Variants in BNC2 observed in about 807,000 individuals in gnomAD.
The protein encoded by BNC2 is basonuclin zinc finger protein 2.
In BNC2, 20 loss-of-function variants were observed where a neutral mutation model predicts 76.3. The ratio of observed to expected loss-of-function variants is 0.26; its 90% CI spans 0.18 to 0.38. The LOEUF is 0.38. Ranked by LOEUF, BNC2 falls within the 10% of genes least tolerant of loss-of-function variation. The pLI is 1.00. For synonymous variants in BNC2, 582 were observed against 514.8 expected, an observed-to-expected ratio of 1.13 and a Z score of -1.77; for missense variants, 1,382 against 1,399.8, an observed-to-expected ratio of 0.99 and a Z score of 0.20.
At chr9:16,460,447 A>T (rs1472065591) in intron 5 of BNC2, among the ~76,000 whole-genome samples, 3 of 152,132 alleles carry the variant, frequency 2.0e-5, no homozygotes, top group African/African-American at 7.2e-5. Flanking sequence ...ACATGGTGAA[A>T]CCCCGTCTCT....
intron 5 of BNC2, among the ~76,000 whole-genome samples, chr9:16,494,704 C>T (rs1472801729): frequency 6.6e-6 from 1 of 151,946 alleles, no homozygotes; most frequent in African/African-American, 2.4e-5. Context: ...AAAGGAGACA[C>T]GTCATGTAGG....
chr9:16,695,281 T>C (rs1020832927), intron 3 of BNC2, among the ~76,000 whole-genome samples: 2 of 152,138 alleles, frequency 1.3e-5, no homozygotes, highest in African/African-American at 2.4e-5. Context: ...ATACTTAAAA[T>C]AATACCATTT....
chr9:16,643,608 AT>A (rs2133874523), intron 3 of BNC2, among the ~76,000 whole-genome samples: 1 of 152,214 alleles, frequency 6.6e-6, no homozygotes, highest in South Asian at 2.1e-4. Context: ...GGTCCCTCTT[AT>A]TTTTAATTCT....
At chr9:16,662,605 G>A (rs970901932) in intron 3 of BNC2, among the ~76,000 whole-genome samples, 2 of 152,142 alleles carry the variant, frequency 1.3e-5, no homozygotes, top group Non-Finnish European at 2.9e-5. Flanking sequence ...ACATGGTGGT[G>A]CATGCCTGTA....
At chr9:16,861,760 C>T (rs182662107) in intron 1 of BNC2, among the ~76,000 whole-genome samples, 7 of 152,104 alleles carry the variant, frequency 4.6e-5, no homozygotes, top group Non-Finnish European at 1.0e-4. Flanking sequence ...GAGGCCGAGG[C>T]GGGAGGATGA....
At chr9:16,636,889 A>T (rs923462099) in intron 3 of BNC2, among the ~76,000 whole-genome samples, 18 of 152,068 alleles carry the variant, frequency 1.2e-4, no homozygotes, top group Non-Finnish European at 2.4e-4. Context: ...ATCTAGATTC[A>T]ATTTAAATCA....
chr9:16,493,149 C>T (rs767214343), intron 5 of BNC2, among the ~76,000 whole-genome samples: 7 of 152,094 alleles, frequency 4.6e-5, no homozygotes, highest in South Asian at 2.1e-4. Context: ...AAAGTACGCA[C>T]GCAGAAAAAG....
intron 3 of BNC2, among the ~76,000 whole-genome samples, chr9:16,673,156 T>C (rs1321342163): frequency 1.3e-5 from 2 of 152,192 alleles, no homozygotes; most frequent in Non-Finnish European, 2.9e-5. Context: ...CATAGACTTA[T>C]ATGACTATAA....
rs1033984773 is a variant in BNC2 at position 16,758,314 on chromosome 9, A to T, written c.4-19829T>A. Among the ~76,000 whole-genome samples, 76 of 150,532 alleles carry T rather than the reference A, an allele frequency of 5.0e-4. 1 individual carries two copies. Among genetic ancestry groups the T allele is most frequent in the Admixed American group, 1.7e-3 (26 of 14,912 alleles). On this transcript the variant is annotated intron_variant, in intron 1 of 6. Coordinates refer to ENST00000380672, the MANE Select transcript of BNC2 (RefSeq NM_017637.6). ...ATATCTCCCTCATCTCAAGGTCCTT[A>T]ACATTAGCCGCGTTTGCAAAGTCCC...
chr9:16,431,364 T>G (rs937531434), intron 6 of BNC2: 1 of 409,192 alleles, frequency 2.4e-6, no homozygotes, highest in Non-Finnish European at 5.4e-6. Context: ...AAAAATCAAG[T>G]CAGAGTATGA....
chr9:16,814,490 A>G (rs1818133159), intron 1 of BNC2, among the ~76,000 whole-genome samples: 1 of 152,200 alleles, frequency 6.6e-6, no homozygotes, highest in South Asian at 2.1e-4. Context: ...ACTATTTGCT[A>G]ATATAGGTAA....
intron 5 of BNC2, among the ~76,000 whole-genome samples, chr9:16,523,291 GAAACCCTGTCTCTACTAA>G (rs941476882): frequency 3.3e-5 from 5 of 151,874 alleles, no homozygotes; most frequent in Admixed American, 6.6e-5. Flanking sequence ...CTAACACGAT[GAAACCCTGTCTCTACTAA>G]AAACACAAAA....
intron 3 of BNC2, chr9:16,625,789 A>T (rs1820978114): frequency 6.6e-6 from 1 of 152,184 alleles, no homozygotes; most frequent in African/African-American, 2.4e-5. Context: ...ATCACTATAA[A>T]AAGACAGCCA....
At chr9:16,705,447 G>C (rs1323667541) in intron 3 of BNC2, among the ~76,000 whole-genome samples, 1 of 152,066 alleles carries the variant, frequency 6.6e-6, no homozygotes, top group Non-Finnish European at 1.5e-5. Context: ...CATGACCCCT[G>C]ACCCCTTGCA....
At chr9:16,735,484 T>G (rs1201318153) in intron 2 of BNC2, among the ~76,000 whole-genome samples, 1 of 151,624 alleles carries the variant, frequency 6.6e-6, no homozygotes, top group Non-Finnish European at 1.5e-5. Flanking sequence ...ATAAAGGTAA[T>G]GTTAATTTCT....
chr9:16,552,377 C>G (rs79129468), intron 5 of BNC2, among the ~76,000 whole-genome samples, 153 bp downstream of exon 5: 1,832 of 152,292 alleles, frequency 0.012, 16 homozygotes, highest in Non-Finnish European at 0.019. Context: ...TGCTTTGTCT[C>G]TCTCCTTTCC....
chr9:16,789,611 T>C (rs1817444294), intron 1 of BNC2, among the ~76,000 whole-genome samples: 1 of 152,202 alleles, frequency 6.6e-6, no homozygotes, highest in African/African-American at 2.4e-5. Context: ...CCACCTCTCA[T>C]ACACTCAGGC....
intron 5 of BNC2, among the ~76,000 whole-genome samples, chr9:16,471,487 T>C (rs1430245957): frequency 6.6e-6 from 1 of 151,982 alleles, no homozygotes; most frequent in Non-Finnish European, 1.5e-5. Flanking sequence ...AGAGACAGGG[T>C]TTCACTATGT....
At chr9:16,722,047 CT>C (rs1434449680) in intron 3 of BNC2, among the ~76,000 whole-genome samples, 4 of 152,108 alleles carry the variant, frequency 2.6e-5, no homozygotes, top group Non-Finnish European at 5.9e-5. Context: ...CCCAATGCAA[CT>C]TTTTTTAAGT....
Sources: gnomAD v4.1 joint callset for allele counts (sites outside exome capture counted in the v4.1 genomes callset) on GRCh38, gnomAD v4.1.1 for gene constraint, MANE v1.5 for transcripts, NCBI Gene and HGNC (gene_info 2026-07-23, HGNC 2026-07-21) for gene names.